Variants in RUFY3 observed in about 807,000 individuals in gnomAD.
RUFY3 encodes RUN and FYVE domain containing 3.
Under a neutral mutation model 84.0 loss-of-function variants are expected in RUFY3, and 34 were observed. That is an observed-to-expected ratio of 0.40 (90% CI 0.31 to 0.54). RUFY3 has a LOEUF of 0.54. RUFY3 is among the 20% of genes least tolerant of loss of function. The pLI, the probability that RUFY3 is intolerant of heterozygous loss-of-function variation, is 0.39. For missense variants in RUFY3, 507 were observed against 736.8 expected (o/e 0.69, Z 3.61); for synonymous variants, 242 against 252.9 (o/e 0.96, Z 0.41).
rs571578972 is a variant in RUFY3, at chr4:70,749,062, TTTTTCTTTTC to T, written c.179-13442_179-13433del. On this transcript the variant is annotated intron_variant, in intron 1 of 17. Transcript: ENST00000381006. The stretch of plus-strand genomic sequence containing the variant: ...TGCCCTCTCACATCCATTTACATTG[TTTTTCTTTTC>T]TTTTCTTTTCTTTTTTTTATACCTA... Among the ~76,000 whole-genome samples the T allele has an allele frequency of 3.3e-5, 5 of 152,218 alleles. No homozygotes were observed. The South Asian group carries it at 8.3e-4, about 25-fold the overall frequency.
At position 70,788,945 on chromosome 4, in the gene RUFY3, T is replaced by C; in HGVS notation, c.1211T>C (p.Leu404Pro). The C allele has an allele frequency of 6.2e-7, 1 of 1,614,134 alleles. No individual in the cohort carries two copies. Among genetic ancestry groups the C allele is most frequent in the South Asian group, 1.1e-5 (1 of 91,072 alleles). The change falls in exon 11 of 18, where the codon CTC becomes CCC. Residue 404 changes from leucine to proline, a missense_variant. By Grantham distance (98) the Leu-to-Pro change is moderately conservative. This residue lies in a region of RUFY3 where 334 missense variants were observed against 364.1 expected (regional missense o/e 0.92). Transcript: ENST00000381006. ...CAGCAGCTGGATGACCTCAGAGCTC[T>C]CAAGCATGAACTTGCCTTTAAGCTG... The part of the protein sequence containing the change: ...LRQQLDDLRA[L>P]KHELAFKLQS...
At chr4:70,784,685 T>C (rs1729493412) in intron 9 of RUFY3, 111 bp from the exon 10 acceptor site, 1 of 587,144 alleles carries the variant, frequency 1.7e-6, no homozygotes, top group Admixed American at 4.0e-5. Flanking sequence ...GTTTGTTCAT[T>C]ATTATACCTG....
chr4:70,704,876 C>G (rs1036811230), exon 1 of RUFY3: 2 of 1,120,788 alleles, frequency 1.8e-6, no homozygotes, highest in Non-Finnish European at 2.2e-6. Context: ...CGCCCTGACC[C>G]TCTGCTCCCC....
chr4:70,764,982 C>G (rs12645437), intron 4 of RUFY3, among the ~76,000 whole-genome samples: 1 of 151,906 alleles, frequency 6.6e-6, no homozygotes, highest in Non-Finnish European at 1.5e-5. Flanking sequence ...GGCCAGGAGT[C>G]TGAGACCAGC....
chr4:70,800,234 T>C (rs770689609), intron 15 of RUFY3, 29 bp downstream of exon 15: 3 of 1,568,608 alleles, frequency 1.9e-6, no homozygotes, highest in Admixed American at 1.9e-5. Flanking sequence ...TTAACTAAGA[T>C]GTAAAGTTAT....
chr4:70,799,879 A>G, intron 14 of RUFY3: 1 of 361,662 alleles, frequency 2.8e-6, no homozygotes, highest in Non-Finnish European at 4.9e-6. Context: ...TTTGCAAGTA[A>G]GTAGAATACA....
At chr4:70,791,290 A>T in intron 12 of RUFY3, 1 of 1,613,316 alleles carries the variant, frequency 6.2e-7, no homozygotes, top group Non-Finnish European at 8.5e-7. Context: ...ATCCCAAAAC[A>T]TCATTAGGCA....
At chr4:70,773,674 G>A (rs1727363185) in intron 6 of RUFY3, 102 bp downstream of exon 6, 2 of 730,724 alleles carry the variant, frequency 2.7e-6, no homozygotes, top group South Asian at 3.7e-5. Flanking sequence ...CAGACGTGCT[G>A]AAAGAATTTC....
Position 70,789,478 on chromosome 4 carries a change from G to A in RUFY3, c.1240-17G>A, listed in dbSNP as rs376764803. Reference sequence around the variant, plus strand: ...ATTTATGTTATACAGGTTGTTTATCGTTATTTTCCATAACAGAGTTCAGAC... The same window carrying A: ...ATTTATGTTATACAGGTTGTTTATCATTATTTTCCATAACAGAGTTCAGAC... On this transcript the variant is annotated splice_polypyrimidine_tract_variant and intron_variant, in intron 11 of 17. Transcript: ENST00000381006. 48 of 1,601,628 alleles carry A rather than the reference G, an allele frequency of 3.0e-5. No homozygotes were observed. The African/African-American group carries it at 4.4e-4, about 15-fold the overall frequency.
chr4:70,733,120 G>C (rs1290617365), intron 1 of RUFY3, among the ~76,000 whole-genome samples: 3 of 71,592 alleles, frequency 4.2e-5, no homozygotes, highest in Non-Finnish European at 5.9e-5. Context: ...GAGAGAGAGA[G>C]GGAGGGAGGG....
At chr4:70,719,282 C>G (rs1296355526), upstream of RUFY3, among the ~76,000 whole-genome samples, 1 of 152,200 alleles carries the variant, frequency 6.6e-6, no homozygotes, top group Non-Finnish European at 1.5e-5. Context: ...TTGGGCTTGC[C>G]TCTCTGTGTC....
At chr4:70,791,787 AC>A (rs1451750529) in intron 12 of RUFY3, 3 of 986,344 alleles carry the variant, frequency 3.0e-6, no homozygotes, top group East Asian at 2.3e-4. Flanking sequence ...TTAGACCATG[AC>A]CCCTTTTCAC....
chr4:70,744,555 A>C (rs1721864350), intron 1 of RUFY3, among the ~76,000 whole-genome samples: 3 of 152,044 alleles, frequency 2.0e-5, no homozygotes, highest in Admixed American at 2.0e-4. Context: ...CCTCCTAAAA[A>C]TTTTTAAAAT....
chr4:70,768,497 A>G (rs1726385013), intron 4 of RUFY3, 41 bp from the exon 5 acceptor site: 1 of 1,598,650 alleles, frequency 6.3e-7, no homozygotes. Flanking sequence ...GATTTTTGAG[A>G]TTTTTGTTAC....
In RUFY3 at chr4:70,777,895, A is replaced by G. The variant is rs149915512; in HGVS notation, c.825-474A>G. Among the ~76,000 whole-genome samples, 441 of 152,320 alleles carry G rather than the reference A, an allele frequency of 2.9e-3. 3 individuals carry two copies. The highest frequency in any genetic ancestry group is 0.01 in the African/African-American group (426 of 41,568). ...AAATACTTACTGAATTAAAACTCAA[A>G]TGCCAAAGATAATAGCCTTTTGTAA... On this transcript the variant is annotated intron_variant, in intron 7 of 17. Coordinates refer to ENST00000381006, the MANE Select transcript of RUFY3 (RefSeq NM_001037442.4).
At position 70,800,158 on chromosome 4, in the gene RUFY3, G is replaced by C. The variant is rs1158202151; in HGVS notation, c.1575G>C (p.Met525Ile). The change falls in exon 15 of 18, where the codon ATG becomes ATC. Residue 525 changes from methionine (M) to isoleucine (I), a missense_variant. Met to Ile is a conservative substitution (Grantham distance 10, BLOSUM62 1). Around this residue, in one of 4 missense-constraint regions of RUFY3, gnomAD observed 334 missense variants for 364.1 expected, o/e 0.92. Transcript: ENST00000381006. ...SESKMDGKHK[M>I]QEENVKLKKP... ...TTTGGCAGGATGGGAAGCACAAAAT[G>C]CAAGAGGAAAATGTTAAACTAAAAA... The C allele has an allele frequency of 2.5e-6, 4 of 1,607,434 alleles. No individual in the cohort carries two copies. Among genetic ancestry groups the C allele is most frequent in the Non-Finnish European group, 3.4e-6 (4 of 1,178,422 alleles).
At chr4:70,747,337 A>G (rs1366772242) in intron 1 of RUFY3, among the ~76,000 whole-genome samples, 1 of 152,172 alleles carries the variant, frequency 6.6e-6, no homozygotes, top group Non-Finnish European at 1.5e-5. Context: ...TCTTAAAACA[A>G]AAGTTTCATG....
Position 70,762,548 on chromosome 4 carries a change from A to G in RUFY3, c.208A>G (p.Met70Val), listed in dbSNP as rs752537153. Residue 70 changes from methionine (M) to valine (V), a missense_variant, in exon 2 of 18, where the codon ATG becomes GTG. By Grantham distance (21) the Met-to-Val change is conservative. This residue lies in a region of RUFY3 where 133 missense variants were observed against 301.1 expected (regional missense o/e 0.44). Transcript: ENST00000381006. The stretch of plus-strand genomic sequence containing the variant: ...TAATTATCTCATGGCTAATGAACGC[A>G]TGAACCTCATGAACATGGCCAAGCT... ...DPNYLMANER[M>V]NLMNMAKLSI... The G allele has an allele frequency of 5.0e-6, 8 of 1,612,966 alleles. No individual in the cohort carries two copies. Among genetic ancestry groups the G allele is most frequent in the Non-Finnish European group, 5.9e-6 (7 of 1,179,210 alleles).
chr4:70,776,507 G>A (rs1350163688), intron 7 of RUFY3, among the ~76,000 whole-genome samples: 5 of 152,326 alleles, frequency 3.3e-5, no homozygotes, highest in Non-Finnish European at 7.3e-5. Context: ...GGGAGCAGTG[G>A]CTCACGCCTA....
Sources: gnomAD v4.1 joint callset for allele counts (sites outside exome capture counted in the v4.1 genomes callset) on GRCh38, gnomAD v4.1.1 for gene constraint, gnomAD v4.1.1 regional missense constraint, MANE v1.5 for transcripts, NCBI Gene and HGNC (gene_info 2026-07-23, HGNC 2026-07-21) for gene names.